Variants in CD2AP observed in about 807,000 individuals in gnomAD.
CD2AP encodes CD2 associated protein.
CD2AP carries 46 observed loss-of-function variants against 85.1 expected under a neutral mutation model. That is an observed-to-expected ratio of 0.54 (90% CI 0.43 to 0.69). The LOEUF is 0.69. CD2AP is among the 30% of genes least tolerant of loss of function. The pLI is 0.00. For synonymous variants in CD2AP, 255 were observed against 252.9 expected, an observed-to-expected ratio of 1.01 and a Z score of -0.08; for missense variants, 769 against 729.5, an observed-to-expected ratio of 1.05 and a Z score of -0.62.
rs551977738 is a variant in CD2AP at position 47,520,791 on chromosome 6, C to T, written c.166-12811C>T. 4.9e-5 allele frequency among the ~76,000 whole-genome samples: 6 copies of T among 122,054 alleles called. No homozygotes were observed. The South Asian group carries it at 1.7e-3, about 34-fold the overall frequency. 80.1% of individuals were successfully genotyped at this position (122,054 alleles called of 152,430 possible). ...TTGACTGTGGCACAGTGGTTATTGT[C>T]TAAGAGCTCTCTGTCTTGCCAGTCT... On this transcript the variant is annotated intron_variant, in intron 2 of 17. Coordinates refer to ENST00000359314, the MANE Select transcript of CD2AP (RefSeq NM_012120.3).
chr6:47,545,620 C>T (rs563592454), intron 4 of CD2AP, among the ~76,000 whole-genome samples: 1 of 152,314 alleles, frequency 6.6e-6, no homozygotes, highest in East Asian at 1.9e-4. Context: ...GCCCGCTGGT[C>T]CCAACCACCA....
chr6:47,524,127 G>A (rs1277780622), intron 2 of CD2AP, among the ~76,000 whole-genome samples: 3 of 152,090 alleles, frequency 2.0e-5, no homozygotes, highest in Admixed American at 6.6e-5. Flanking sequence ...GTTTGCCTTG[G>A]ACTTAATCTG....
At chr6:47,497,499 TTC>T (rs1765896402) in intron 1 of CD2AP, among the ~76,000 whole-genome samples, 1 of 152,008 alleles carries the variant, frequency 6.6e-6, no homozygotes, top group Non-Finnish European at 1.5e-5. Flanking sequence ...ACTCAAGCCA[TTC>T]TCTCACTCAA....
At chr6:47,483,231 G>A (rs567553431) in intron 1 of CD2AP, among the ~76,000 whole-genome samples, 5 of 152,178 alleles carry the variant, frequency 3.3e-5, no homozygotes, top group Non-Finnish European at 5.9e-5. Flanking sequence ...CTTTCTAGAT[G>A]GGGGAGGCGA....
chr6:47,582,801 T>TTTTTGTTTTTTTTG (rs1768517546), intron 11 of CD2AP, among the ~76,000 whole-genome samples: 1 of 149,304 alleles, frequency 6.7e-6, no homozygotes, highest in Admixed American at 6.7e-5. Context: ...TTTTGTTTTT[T>TTTTTGTTTTTTTTG]TTTTTTTGTC....
At chr6:47,497,836 A>T (rs909282606) in intron 1 of CD2AP, among the ~76,000 whole-genome samples, 1 of 152,224 alleles carries the variant, frequency 6.6e-6, no homozygotes, top group Non-Finnish European at 1.5e-5. Context: ...GATAGCATAC[A>T]GTTTTACAGT....
intron 2 of CD2AP, among the ~76,000 whole-genome samples, chr6:47,530,101 G>A (rs757851261): frequency 2.0e-5 from 3 of 152,106 alleles, no homozygotes; most frequent in Non-Finnish European, 2.9e-5. Context: ...AAGTCATCCC[G>A]ATTTGCCTTA....
At chr6:47,621,945 G>T (rs1769756351) in intron 17 of CD2AP, among the ~76,000 whole-genome samples, 1 of 152,180 alleles carries the variant, frequency 6.6e-6, no homozygotes, top group Non-Finnish European at 1.5e-5. Flanking sequence ...ACTAGGGTGG[G>T]TAGGGAAGGG....
chr6:47,518,370 G>A (rs142321602), intron 2 of CD2AP, among the ~76,000 whole-genome samples: 2 of 152,262 alleles, frequency 1.3e-5, no homozygotes, highest in East Asian at 1.9e-4. Context: ...GTGTTCTACT[G>A]CATTTGTGCC....
chr6:47,612,421 A>G lies in CD2AP; in HGVS notation c.1815-52A>G. On this transcript the variant is annotated intron_variant, in intron 16 of 17. Transcript: ENST00000359314. ...AACAAAAAGCCTGTAAACATTAGTC[A>G]AATAAATTATTTAATCGAAAGACTT... is the stretch of plus-strand genomic sequence containing the variant. 3.8e-6 allele frequency: 5 copies of G among 1,323,448 alleles called. No homozygotes were observed. The South Asian group carries it at 4.8e-5, about 13-fold the overall frequency. 82.0% of individuals were successfully genotyped at this position (1,323,448 alleles called of 1,614,324 possible). A position where few individuals can be genotyped will look rare whatever the true frequency, so the allele number is the denominator to read the frequency against.
At chr6:47,530,315 G>A (rs1766840204) in intron 2 of CD2AP, among the ~76,000 whole-genome samples, 1 of 152,180 alleles carries the variant, frequency 6.6e-6, no homozygotes, top group African/African-American at 2.4e-5. Context: ...CAATAAAGAT[G>A]CAGAGGCTCT....
intron 3 of CD2AP, among the ~76,000 whole-genome samples, chr6:47,535,537 C>T (rs1228882898): frequency 2.0e-5 from 3 of 152,162 alleles, no homozygotes; most frequent in Non-Finnish European, 2.9e-5. Context: ...AACAGGTTGT[C>T]ATAAAAATGA....
chr6:47,477,939 G>C lies in CD2AP; in HGVS notation c.-306G>C, dbSNP rs1765343403. The C allele has an allele frequency of 4.0e-6, 2 of 505,796 alleles. No individual in the cohort carries two copies. Among genetic ancestry groups the C allele is most frequent in the South Asian group, 2.3e-5 (1 of 43,576 alleles). 31.3% of individuals were successfully genotyped at this position (505,796 alleles called of 1,614,324 possible). On this transcript the variant is annotated 5_prime_UTR_variant, in exon 1 of 18. Transcript: ENST00000359314. ...ACCGGTGGGTCCCTCCCCACTGCGG[G>C]AGCGGCCAGGGTGGGAAAACCGCGG...
intron 3 of CD2AP, among the ~76,000 whole-genome samples, chr6:47,536,664 G>A (rs914724703): frequency 6.6e-6 from 1 of 152,156 alleles, no homozygotes; most frequent in Non-Finnish European, 1.5e-5. Context: ...AAACAAAGAA[G>A]TATTAATTTT....
intron 17 of CD2AP, among the ~76,000 whole-genome samples, chr6:47,617,666 T>C (rs1769627159): frequency 6.6e-6 from 1 of 152,204 alleles, no homozygotes; most frequent in Non-Finnish European, 1.5e-5. Context: ...TTATCCCCAC[T>C]GTATCTGTCT....
chr6:47,579,666 A>G (rs981837195), intron 9 of CD2AP, 177 bp downstream of exon 9: 1 of 579,610 alleles, frequency 1.7e-6, no homozygotes, highest in African/African-American at 1.9e-5. Flanking sequence ...TCAGTTCCGT[A>G]CTTTATTCTT....
At chr6:47,523,772 A>T (rs754913465) in intron 2 of CD2AP, among the ~76,000 whole-genome samples, 9 of 152,170 alleles carry the variant, frequency 5.9e-5, no homozygotes, top group South Asian at 4.1e-4. Flanking sequence ...CTCGCATAGC[A>T]TATGTGTCTT....
At chr6:47,571,279 A>G (rs1053439367) in intron 5 of CD2AP, among the ~76,000 whole-genome samples, 8 of 152,210 alleles carry the variant, frequency 5.3e-5, no homozygotes, top group Non-Finnish European at 1.2e-4. Context: ...GCAAGATGGT[A>G]TGGAATTCAC....
intron 12 of CD2AP, 95 bp from the exon 13 acceptor site, chr6:47,599,206 A>C: frequency 1.0e-6 from 1 of 980,568 alleles, no homozygotes; most frequent in Non-Finnish European, 1.6e-6. Context: ...AGTAATCGGT[A>C]TTAGGCCATA....
Sources: gnomAD v4.1 joint callset for allele counts (sites outside exome capture counted in the v4.1 genomes callset) on GRCh38, gnomAD v4.1.1 for gene constraint, MANE v1.5 for transcripts, NCBI Gene and HGNC (gene_info 2026-07-23, HGNC 2026-07-21) for gene names.